CACNG4: variants seen among roughly 807,000 people sequenced by gnomAD.
The protein encoded by CACNG4 is calcium voltage-gated channel auxiliary subunit gamma 4.
A neutral mutation model predicts 22.9 loss-of-function variants in CACNG4; 8 were observed. That is an observed-to-expected ratio of 0.35 (90% CI 0.21 to 0.63). The LOEUF (loss-of-function observed/expected upper bound fraction) is 0.63, where lower values mean the gene tolerates loss of function less well. Ranked by LOEUF, CACNG4 falls within the 30% of genes least tolerant of loss-of-function variation. CACNG4 has a pLI of 0.72. For synonymous variants in CACNG4, 188 were observed against 191.9 expected, an observed-to-expected ratio of 0.98 and a Z score of 0.17; for missense variants, 357 against 455.4, an observed-to-expected ratio of 0.78 and a Z score of 1.97.
At chr17:66,991,809 G>A (rs1000161237) in intron 1 of CACNG4, among the ~76,000 whole-genome samples, 1 of 152,208 alleles carries the variant, frequency 6.6e-6, no homozygotes, top group African/African-American at 2.4e-5. Flanking sequence ...GGCATCACCT[G>A]GCCCTGATGT....
At chr17:67,009,782 A>G (rs1185571085) in intron 1 of CACNG4, among the ~76,000 whole-genome samples, 3 of 152,190 alleles carry the variant, frequency 2.0e-5, no homozygotes, top group African/African-American at 4.8e-5. Flanking sequence ...CAAGCTCTCC[A>G]GAGTCTCTTT....
intron 1 of CACNG4, among the ~76,000 whole-genome samples, chr17:67,017,565 TG>T (rs74855255): frequency 0.044 from 6,729 of 152,120 alleles, 338 homozygotes; most frequent in East Asian, 0.23. Context: ...GTCGCCAGGC[TG>T]GAGTGCAGTG....
chr17:66,971,999 T>A (rs1436952984), intron 1 of CACNG4, among the ~76,000 whole-genome samples: 1 of 152,070 alleles, frequency 6.6e-6, no homozygotes, highest in Non-Finnish European at 1.5e-5. Flanking sequence ...TGTGGCAGAC[T>A]GGAGACCTGG....
At chr17:66,989,081 A>AG (rs397731786) in intron 1 of CACNG4, among the ~76,000 whole-genome samples, 1 of 148,272 alleles carries the variant, frequency 6.7e-6, no homozygotes, top group Admixed American at 6.7e-5. Flanking sequence ...AAAAAAAAAA[A>AG]GGCAAGAGAG....
At chr17:66,979,849 T>C (rs1211251453) in intron 1 of CACNG4, among the ~76,000 whole-genome samples, 1 of 147,180 alleles carries the variant, frequency 6.8e-6, no homozygotes, top group Non-Finnish European at 1.5e-5. Flanking sequence ...TCCTGGGTCC[T>C]GGTTCAAGTA....
Position 67,031,837 on chromosome 17 carries a change from A to T in CACNG4, c.*833A>T. 2.2e-6 allele frequency: 1 copy of T among 456,676 alleles called. No homozygotes were observed. Among genetic ancestry groups the T allele is most frequent in the Non-Finnish European group, 4.4e-6 (1 of 226,968 alleles). 28.3% of individuals were successfully genotyped at this position (456,676 alleles called of 1,614,324 possible). A position where few individuals can be genotyped will look rare whatever the true frequency, so the allele number is the denominator to read the frequency against. ...GACCTCTTGCCGTGCCCCTTGTCATAGACCCAAGGAGCAACTCTGTCCCCT... is the reference window on the plus strand; with the variant it reads ...GACCTCTTGCCGTGCCCCTTGTCATTGACCCAAGGAGCAACTCTGTCCCCT... On this transcript the variant is annotated 3_prime_UTR_variant, in exon 4 of 4. Coordinates refer to ENST00000262138, the MANE Select transcript of CACNG4 (RefSeq NM_014405.4). This position sits in a 1 kb window ranked among gnomAD's most constrained non-coding sequence, Gnocchi z 4.0.
In CACNG4 at chr17:67,027,422, C is replaced by T. The variant is rs138052645; in HGVS notation, c.445+2422C>T. 2.4e-4 allele frequency among the ~76,000 whole-genome samples: 36 copies of T among 152,272 alleles called. No homozygotes were observed. In the East Asian group the frequency reaches 6.4e-3, roughly 27 times the overall value. On this transcript the variant is annotated intron_variant, in intron 3 of 3. Transcript: ENST00000262138. This position sits in a 1 kb window ranked among gnomAD's most constrained non-coding sequence, Gnocchi z 4.3. ...AAGGGGACATTGGCTTATTCCCTGG[C>T]GCATGGGGCACTGATGGGGACTGAG... is the stretch of plus-strand genomic sequence containing the variant.
intron 1 of CACNG4, among the ~76,000 whole-genome samples, chr17:66,979,593 A>C (rs2035258615): frequency 6.6e-6 from 1 of 150,928 alleles, no homozygotes; most frequent in African/African-American, 2.5e-5. Flanking sequence ...GGAGTGACTT[A>C]TCTGATCTCC....
At chr17:67,008,379 G>T (rs1421692737) in intron 1 of CACNG4, among the ~76,000 whole-genome samples, 2 of 152,164 alleles carry the variant, frequency 1.3e-5, no homozygotes, top group Non-Finnish European at 2.9e-5. Context: ...ACAGTTATTA[G>T]GGGGTTTCTT....
At chr17:66,965,175 C>T (rs1811730454) in intron 1 of CACNG4, 44 bp downstream of exon 1, 5 of 1,130,150 alleles carry the variant, frequency 4.4e-6, no homozygotes, top group Non-Finnish European at 6.3e-6. Flanking sequence ...CACACACACA[C>T]ACACACACAC....
intron 1 of CACNG4, among the ~76,000 whole-genome samples, chr17:66,992,359 A>ATT (rs1267484274): frequency 1.1e-4 from 17 of 152,198 alleles, no homozygotes; most frequent in Admixed American, 1.1e-3. Context: ...AGAAGAGCTT[A>ATT]TTTAGGTCCT....
chr17:67,022,991 T>C lies in CACNG4; in HGVS notation c.305-1869T>C, dbSNP rs1339137797. Among the ~76,000 whole-genome samples the C allele has an allele frequency of 4.6e-5, 7 of 152,226 alleles. No homozygotes were observed. The East Asian group carries it at 1.3e-3, about 29-fold the overall frequency. ...GCAACAGAAATTCACTGTCATGGTG[T>C]GGAAGCCAGAAGCCCGAAGTCAAGG... On this transcript the variant is annotated intron_variant, in intron 2 of 3. Transcript: ENST00000262138.
At chr17:66,983,320 G>C (rs958286982) in intron 1 of CACNG4, among the ~76,000 whole-genome samples, 1 of 152,216 alleles carries the variant, frequency 6.6e-6, no homozygotes, top group South Asian at 2.1e-4. Context: ...ACAGTCACAT[G>C]CCTGCTGCAC....
rs770125043 is a variant in CACNG4, at chr17:67,030,442, C to T, written c.446-24C>T. ...GCCTCTCTCCCTCCCTGGCCCCGCT[C>T]CCCGCTCCCCGCTTCCCTTTCAGGC... On this transcript the variant is annotated intron_variant, in intron 3 of 3. Coordinates refer to ENST00000262138, the MANE Select transcript of CACNG4 (RefSeq NM_014405.4). This position sits in a 1 kb window ranked among gnomAD's most constrained non-coding sequence, Gnocchi z 6.4. 3.7e-6 allele frequency: 6 copies of T among 1,607,422 alleles called. No homozygotes were observed. In the South Asian group the frequency reaches 6.6e-5, roughly 18 times the overall value.
At chr17:66,995,382 G>T (rs1388808272) in intron 1 of CACNG4, among the ~76,000 whole-genome samples, 1 of 152,168 alleles carries the variant, frequency 6.6e-6, no homozygotes, top group Non-Finnish European at 1.5e-5. Flanking sequence ...CCTGAGGAAG[G>T]TCGGGCTCTT....
chr17:67,010,714 C>T (rs949936055), intron 1 of CACNG4, among the ~76,000 whole-genome samples: 2 of 152,134 alleles, frequency 1.3e-5, no homozygotes, highest in African/African-American at 2.4e-5. Context: ...AGGTCATTTC[C>T]GGGATGGTCT....
intron 1 of CACNG4, among the ~76,000 whole-genome samples, chr17:66,985,767 C>T (rs535570296): frequency 8.5e-5 from 13 of 152,118 alleles, no homozygotes; most frequent in Admixed American, 2.0e-4. Flanking sequence ...GACAGAGGGA[C>T]GGCCATCTGT....
At chr17:66,996,779 G>T (rs1392767698) in intron 1 of CACNG4, among the ~76,000 whole-genome samples, 2 of 152,166 alleles carry the variant, frequency 1.3e-5, no homozygotes, top group Non-Finnish European at 2.9e-5. Flanking sequence ...GGCTCACGGG[G>T]AGACACAATT....
chr17:67,012,012 T>A (rs573859138), intron 1 of CACNG4, among the ~76,000 whole-genome samples: 25 of 152,306 alleles, frequency 1.6e-4, no homozygotes, highest in African/African-American at 5.5e-4. Context: ...ATCTGGTTTC[T>A]CTTCCTTTTC....
Sources: allele counts gnomAD v4.1 joint callset (sites outside exome capture counted in the v4.1 genomes callset), GRCh38; gene constraint gnomAD v4.1.1; non-coding constraint Gnocchi (gnomAD v3.1); transcripts MANE v1.5; gene names NCBI Gene and HGNC (gene_info 2026-07-23, HGNC 2026-07-21).